SFSWAP: variants seen among roughly 807,000 people sequenced by gnomAD.
SFSWAP encodes the protein splicing factor, suppressor of white-apricot homolog.
Under a neutral mutation model 100.7 loss-of-function variants are expected in SFSWAP, and 17 were observed. The observed-to-expected ratio is 0.17, with a 90% CI of 0.12 to 0.25. The LOEUF is 0.25. Ranked by LOEUF, SFSWAP falls within the 10% of genes least tolerant of loss-of-function variation. The pLI is 1.00. For synonymous variants in SFSWAP, 504 were observed against 510.1 expected (o/e 0.99, Z 0.16); for missense variants, 1,005 against 1,262.6 (o/e 0.80, Z 3.09).
chr12:131,728,166 GGTGCGTGCATGT>G, intron 6 of SFSWAP, 115 bp from the exon 7 acceptor site: 1 of 1,015,358 alleles, frequency 9.8e-7, no homozygotes, highest in Admixed American at 2.0e-5. Flanking sequence ...GACCTCCATG[GGTGCGTGCATGT>G]GTGTGTTTTT....
intron 16 of SFSWAP, 95 bp from the exon 17 acceptor site, chr12:131,798,942 T>C: frequency 1.2e-6 from 1 of 857,496 alleles, no homozygotes; most frequent in East Asian, 2.4e-5. Context: ...TTCTCAGTTC[T>C]AGAGTTGGGG....
intron 14 of SFSWAP, among the ~76,000 whole-genome samples, chr12:131,786,129 G>A (rs970866126): frequency 6.6e-6 from 1 of 152,290 alleles, no homozygotes; most frequent in South Asian, 2.1e-4. Flanking sequence ...TACTCAGACC[G>A]TGGCTCATGG....
chr12:131,721,136 C>T (rs1470538908), intron 4 of SFSWAP, among the ~76,000 whole-genome samples: 1 of 152,156 alleles, frequency 6.6e-6, no homozygotes, highest in Admixed American at 6.5e-5. Flanking sequence ...CATTCACTGT[C>T]TATCACGGGA....
At chr12:131,788,180 T>C (rs12227924) in intron 15 of SFSWAP, among the ~76,000 whole-genome samples, 10,360 of 152,280 alleles carry the variant, frequency 0.068, 561 homozygotes, top group East Asian at 0.28. Flanking sequence ...AGAGACCTCG[T>C]GTGAGCAAGT....
At chr12:131,713,920 TGG>T (rs1565998824) in intron 1 of SFSWAP, 149 bp from the exon 2 acceptor site, 3 of 463,002 alleles carry the variant, frequency 6.5e-6, no homozygotes, top group Non-Finnish European at 1.1e-5. Context: ...AATATAAATC[TGG>T]GAAGAGTTTT....
intron 15 of SFSWAP, 160 bp from the exon 16 acceptor site, chr12:131,797,018 T>C: frequency 3.1e-6 from 2 of 644,582 alleles, no homozygotes; most frequent in South Asian, 4.0e-5. Flanking sequence ...TTAAATGAAA[T>C]AAGTAGCTTT....
At chr12:131,745,560 G>A (rs1566022697) in intron 7 of SFSWAP, among the ~76,000 whole-genome samples, 1 of 152,158 alleles carries the variant, frequency 6.6e-6, no homozygotes, top group Non-Finnish European at 1.5e-5. Context: ...GAATCGTGTT[G>A]TCAGTGCCTG....
chr12:131,711,871 G>A lies in SFSWAP; in HGVS notation c.218+424G>A. 5.2e-6 allele frequency: 1 copy of A among 191,518 alleles called. No homozygotes were observed. The highest frequency in any genetic ancestry group is 8.4e-5 in the South Asian group (1 of 11,884). 11.9% of individuals were successfully genotyped at this position (191,518 alleles called of 1,614,324 possible). On this transcript the variant is annotated intron_variant, in intron 1 of 17. Transcript: ENST00000261674. The surrounding 1 kb of genome is among the most constrained non-coding windows in gnomAD (Gnocchi z 4.9). ...TCTCACTGCTCGGTGTACTGGGAGG[G>A]TACCCTGGGAGGCGTGCCTTTATTC...
intron 7 of SFSWAP, among the ~76,000 whole-genome samples, chr12:131,738,882 A>ATTTTTTTTTTTTT (rs1555243205): frequency 1.5e-3 from 62 of 40,170 alleles, no homozygotes; most frequent in Non-Finnish European, 3.1e-3. Flanking sequence ...AATGAACATT[A>ATTTTTTTTTTTTT]TTCTTTTTTT....
intron 7 of SFSWAP, among the ~76,000 whole-genome samples, chr12:131,736,139 G>A (rs1879995540): frequency 6.6e-6 from 1 of 152,154 alleles, no homozygotes; most frequent in Non-Finnish European, 1.5e-5. Flanking sequence ...CCCTGCAGTG[G>A]GAAGGGATGA....
In SFSWAP at chr12:131,725,479, G is replaced by A. The variant is rs1218888371; in HGVS notation, c.681G>A (p.Glu227=). Residue 227 remains glutamate (E), a synonymous_variant, in exon 5 of 18, where the codon GAG becomes GAA. Transcript: ENST00000261674. This position sits in a 1 kb window ranked among gnomAD's most constrained non-coding sequence, Gnocchi z 4.3. ...TGTGCAGGCAGGGAGCACAGTTTGAGATCATGCTGAAGGCCAAGCAGGCCC... is the reference window on the plus strand; with the variant it reads ...TGTGCAGGCAGGGAGCACAGTTTGAAATCATGCTGAAGGCCAAGCAGGCCC... ...SFVCRQGAQF[E]IMLKAKQARN... 5 of 1,614,046 alleles carry A rather than the reference G, an allele frequency of 3.1e-6. No homozygotes were observed. The highest frequency in any genetic ancestry group is 4.2e-6 in the Non-Finnish European group (5 of 1,180,050).
At chr12:131,760,822 C>T (rs1195833825) in intron 11 of SFSWAP, among the ~76,000 whole-genome samples, 1 of 152,094 alleles carries the variant, frequency 6.6e-6, no homozygotes, top group Non-Finnish European at 1.5e-5. Context: ...GCTTGTAATC[C>T]CAGCACTTTG....
rs398021691 is a variant in SFSWAP, at chr12:131,771,650, C to CTTTTTTTTT, written c.2142+5356_2142+5364dup. On this transcript the variant is annotated intron_variant, in intron 13 of 17. Transcript: ENST00000261674. ...ACACTGAGTCATTTTGCTAATGTCT[C>CTTTTTTTTT]TTTTTTTTTTTTTTTTTTTTTTGAG... Among the ~76,000 whole-genome samples the CTTTTTTTTT allele has an allele frequency of 5.6e-4, 48 of 86,100 alleles. 1 individual carries two copies. Among genetic ancestry groups the CTTTTTTTTT allele is most frequent in the African/African-American group, 1.7e-3 (41 of 24,406 alleles). The allele number at this position is 86,100 out of a possible 152,430, so 56.5% of individuals were successfully genotyped here.
At chr12:131,791,708 C>T (rs1247863822) in intron 15 of SFSWAP, among the ~76,000 whole-genome samples, 6 of 152,150 alleles carry the variant, frequency 3.9e-5, no homozygotes, top group South Asian at 2.1e-4. Flanking sequence ...GCCAAGATTG[C>T]GTTCCAGCCC....
chr12:131,767,916 A>G (rs758950430), intron 13 of SFSWAP, among the ~76,000 whole-genome samples: 1 of 152,362 alleles, frequency 6.6e-6, no homozygotes, highest in Non-Finnish European at 1.5e-5. Context: ...GATGAAAGAA[A>G]TAAAAGTTGG....
In SFSWAP at chr12:131,719,510, G is replaced by A; in HGVS notation, c.577G>A (p.Gly193Arg). 1.2e-6 allele frequency: 2 copies of A among 1,614,112 alleles called. No individual in the cohort carries two copies. The highest frequency in any genetic ancestry group is 1.7e-6 in the Non-Finnish European group (2 of 1,179,990). The change falls in exon 4 of 18, where the codon GGA becomes AGA. Residue 193 changes from glycine (G) to arginine (R), a missense_variant. Around this residue, in one of 7 missense-constraint regions of SFSWAP, gnomAD observed 237 missense variants for 337.0 expected, o/e 0.70. Transcript: ENST00000261674. The part of the protein sequence containing the change: ...ENEEPFVAPL[G>R]LSVPSDVELP... ...TGAAGAGCCCTTCGTTGCCCCCTTA[G>A]GATTGAGCGTCCCGTCTGACGTGGA...
Position 131,711,716 on chromosome 12 carries a change from T to G in SFSWAP, c.218+269T>G. The G allele has an allele frequency of 4.6e-6, 2 of 437,906 alleles. No homozygotes were observed. The highest frequency in any genetic ancestry group is 8.3e-6 in the Non-Finnish European group (2 of 240,156). 27.1% of individuals were successfully genotyped at this position (437,906 alleles called of 1,614,324 possible). ...CGCAGCCCCTCTCGACCCCTCACCCTGTCGCTGGGCTGCAGTTGGCGATTC... is the reference window on the plus strand; with the variant it reads ...CGCAGCCCCTCTCGACCCCTCACCCGGTCGCTGGGCTGCAGTTGGCGATTC... On this transcript the variant is annotated intron_variant, in intron 1 of 17. Coordinates refer to ENST00000261674, the MANE Select transcript of SFSWAP (RefSeq NM_004592.4). This position sits in a 1 kb window ranked among gnomAD's most constrained non-coding sequence, Gnocchi z 4.9.
intron 7 of SFSWAP, among the ~76,000 whole-genome samples, chr12:131,745,702 T>TA (rs1881038893): frequency 6.6e-6 from 1 of 150,956 alleles, no homozygotes; most frequent in South Asian, 2.1e-4. Flanking sequence ...GACCTAAAAA[T>TA]ACCTGTTTCA....
chr12:131,779,918 C>G (rs1282273488), intron 14 of SFSWAP, among the ~76,000 whole-genome samples: 1 of 152,252 alleles, frequency 6.6e-6, no homozygotes. Context: ...TCCCAAGTAG[C>G]TGGGATTACA....
Sources: gnomAD v4.1 joint callset for allele counts (sites outside exome capture counted in the v4.1 genomes callset) on GRCh38, gnomAD v4.1.1 for gene constraint, gnomAD v4.1.1 regional missense constraint, Gnocchi (gnomAD v3.1) non-coding constraint, MANE v1.5 for transcripts, NCBI Gene and HGNC (gene_info 2026-07-23, HGNC 2026-07-21) for gene names.